KIF21A: variants seen among roughly 807,000 people sequenced by gnomAD.
KIF21A encodes the protein kinesin family member 21A.
In KIF21A, 114 loss-of-function variants were observed where a neutral mutation model predicts 202.9. The ratio of observed to expected loss-of-function variants is 0.56; its 90% CI spans 0.48 to 0.66. KIF21A has a LOEUF of 0.66. Among genes scored for constraint, KIF21A ranks in the 30% least tolerant of loss-of-function variants. The pLI, the probability that KIF21A is intolerant of heterozygous loss-of-function variation, is 0.00. For synonymous variants in KIF21A, 667 were observed against 670.8 expected, an observed-to-expected ratio of 0.99 and a Z score of 0.09; for missense variants, 1,677 against 1,994.9, an observed-to-expected ratio of 0.84 and a Z score of 3.04.
rs773429318 is a variant in KIF21A, at chr12:39,337,090, A to T, written c.2418+6T>A. On this transcript the variant is annotated splice_donor_region_variant and intron_variant, in intron 17 of 37. Transcript: ENST00000361418. The stretch of plus-strand genomic sequence containing the variant: ...CTTATATAACTGAGAGTTAAAATCC[A>T]CTTACATCTCTTTTACGTTGATCCT... 25 of 1,559,706 alleles carry T rather than the reference A, an allele frequency of 1.6e-5. No homozygotes were observed. The highest frequency in any genetic ancestry group is 2.1e-5 in the Non-Finnish European group (24 of 1,132,852).
At chr12:39,342,681 T>C (rs1322721818) in intron 12 of KIF21A, among the ~76,000 whole-genome samples, 1 of 152,182 alleles carries the variant, frequency 6.6e-6, no homozygotes, top group Non-Finnish European at 1.5e-5. Flanking sequence ...TTTCTTAGGC[T>C]GCCCGTACAG....
At chr12:39,297,933 AAAAG>A (rs1942569447) in intron 37 of KIF21A, among the ~76,000 whole-genome samples, 1 of 150,374 alleles carries the variant, frequency 6.7e-6, no homozygotes. Flanking sequence ...TCAAAAAAAA[AAAAG>A]AAAAGAAAAG....
chr12:39,436,451 T>TA (rs1938781277), intron 1 of KIF21A, among the ~76,000 whole-genome samples: 2 of 128,202 alleles, frequency 1.6e-5, no homozygotes, highest in African/African-American at 5.9e-5. Context: ...TATATATATT[T>TA]TTTTTTTTTT....
intron 37 of KIF21A, 136 bp downstream of exon 37, chr12:39,301,343 TA>T: frequency 1.2e-6 from 1 of 805,922 alleles, no homozygotes; most frequent in Non-Finnish European, 2.1e-6. Context: ...AAAATATGAA[TA>T]AGACATCTTA....
chr12:39,441,959 T>C (rs1436163689), intron 1 of KIF21A, among the ~76,000 whole-genome samples: 1 of 152,124 alleles, frequency 6.6e-6, no homozygotes, highest in Non-Finnish European at 1.5e-5. Context: ...GCCACGCACT[T>C]ACTCTAGGAT....
chr12:39,330,937 A>G (rs765254136), intron 22 of KIF21A, 26 bp from the exon 23 acceptor site: 1 of 1,612,104 alleles, frequency 6.2e-7, no homozygotes, highest in East Asian at 2.2e-5. Flanking sequence ...AAATTATCTT[A>G]GGTCATACGA....
At chr12:39,356,371 T>C (rs907982812) in intron 10 of KIF21A, among the ~76,000 whole-genome samples, 4 of 152,222 alleles carry the variant, frequency 2.6e-5, no homozygotes, top group African/African-American at 9.6e-5. Context: ...TGAATGGATG[T>C]ACCACAGAGG....
intron 27 of KIF21A, chr12:39,321,895 TTAATA>T (rs1206177723): frequency 6.6e-6 from 1 of 152,046 alleles, no homozygotes; most frequent in Non-Finnish European, 1.5e-5. Context: ...TAATCTAATA[TTAATA>T]TAACTATCAA....
intron 10 of KIF21A, among the ~76,000 whole-genome samples, chr12:39,354,624 G>A (rs145854370): frequency 2.0e-4 from 31 of 152,176 alleles, no homozygotes; most frequent in African/African-American, 6.0e-4. Context: ...AGATGAAATA[G>A]AAATATTCCC....
chr12:39,347,907 G>A (rs769244307), intron 11 of KIF21A, among the ~76,000 whole-genome samples: 41 of 151,334 alleles, frequency 2.7e-4, no homozygotes, highest in South Asian at 2.7e-3. Flanking sequence ...AATTTTCCTC[G>A]TCCACATACA....
chr12:39,387,013 T>C (rs1950987483), intron 1 of KIF21A, among the ~76,000 whole-genome samples: 1 of 151,904 alleles, frequency 6.6e-6, no homozygotes, highest in Non-Finnish European at 1.5e-5. Context: ...CACTGGAGAA[T>C]TGCAGAACAC....
Position 39,337,022 on chromosome 12 carries a change from T to A in KIF21A, c.2418+74A>T, listed in dbSNP as rs1947035370. 10 of 967,812 alleles carry A rather than the reference T, an allele frequency of 1.0e-5. No individual in the cohort carries two copies. The South Asian group carries it at 1.3e-4, about 13-fold the overall frequency. The allele number at this position is 967,812 out of a possible 1,614,324, so 60.0% of individuals were successfully genotyped here. On this transcript the variant is annotated intron_variant, in intron 17 of 37. Coordinates refer to ENST00000361418, the MANE Select transcript of KIF21A (RefSeq NM_001173464.2). ...ATTAGTAGTTATGGTTACCAGAAAT[T>A]TTTCCTCCATTTATTAAACAATCTT...
At chr12:39,430,857 T>TAAG (rs779481250) in intron 1 of KIF21A, among the ~76,000 whole-genome samples, 1 of 152,108 alleles carries the variant, frequency 6.6e-6, no homozygotes, top group Non-Finnish European at 1.5e-5. Flanking sequence ...AGTGGCTTTG[T>TAAG]AAGAAGAAGA....
At chr12:39,324,143 A>G (rs1359188280) in intron 26 of KIF21A, among the ~76,000 whole-genome samples, 1 of 152,058 alleles carries the variant, frequency 6.6e-6, no homozygotes, top group Non-Finnish European at 1.5e-5. Flanking sequence ...GATCCTTTTC[A>G]GGCATCTTAG....
At chr12:39,383,647 G>C (rs963860977) in intron 1 of KIF21A, among the ~76,000 whole-genome samples, 3 of 152,088 alleles carry the variant, frequency 2.0e-5, no homozygotes, top group Non-Finnish European at 2.9e-5. Context: ...AAAAATAGCT[G>C]TATGAGCCTG....
chr12:39,302,599 CTT>C (rs376602238), intron 36 of KIF21A, among the ~76,000 whole-genome samples: 164 of 152,284 alleles, frequency 1.1e-3, no homozygotes, highest in African/African-American at 3.6e-3. Context: ...TTACTCTTGA[CTT>C]TAGCTAAACT....
chr12:39,332,475 C>G, intron 20 of KIF21A, 67 bp from the exon 21 acceptor site: 2 of 980,558 alleles, frequency 2.0e-6, no homozygotes, highest in Non-Finnish European at 3.0e-6. Context: ...ACCATCAAAC[C>G]CCCCCACCCC....
chr12:39,318,203 T>A lies in KIF21A; in HGVS notation c.3780-2A>T, dbSNP rs1338822980. The A allele has an allele frequency of 6.2e-7, 1 of 1,612,816 alleles. No individual in the cohort carries two copies. Among genetic ancestry groups the A allele is most frequent in the Admixed American group, 1.7e-5 (1 of 59,986 alleles). On this transcript the variant is annotated splice_acceptor_variant, in intron 28 of 37. Transcript: ENST00000361418. LOFTEE classifies it high-confidence loss of function. ...GCCTCTGAAGTTCCAGAATCTGAGC[T>A]ACAAGAAAAAAAGAACATTAAGTAG...
At chr12:39,372,826 C>T (rs559810371) in intron 1 of KIF21A, among the ~76,000 whole-genome samples, 1 of 152,254 alleles carries the variant, frequency 6.6e-6, no homozygotes, top group Admixed American at 6.5e-5. Flanking sequence ...CCCCAATCCT[C>T]TTTAGGAAAA....
Sources: allele counts gnomAD v4.1 joint callset (sites outside exome capture counted in the v4.1 genomes callset), GRCh38; gene constraint gnomAD v4.1.1; transcripts MANE v1.5; gene names NCBI Gene and HGNC (gene_info 2026-07-23, HGNC 2026-07-21).